Variants in MAPK6 observed in about 807,000 individuals in gnomAD.
MAPK6 encodes mitogen-activated protein kinase 6.
MAPK6 carries 19 observed loss-of-function variants against 59.3 expected under a neutral mutation model. That is an observed-to-expected ratio of 0.32 (90% CI 0.22 to 0.47). MAPK6 has a LOEUF of 0.47. Ranked by LOEUF, MAPK6 falls within the 20% of genes least tolerant of loss-of-function variation. MAPK6 has a pLI of 1.00. For synonymous variants in MAPK6, 316 were observed against 290.3 expected (o/e 1.09, Z -0.90); for missense variants, 724 against 847.9 (o/e 0.85, Z 1.81).
At chr15:51,973,918 A>G (rs1039388428) in intron 1 of MAPK6, among the ~76,000 whole-genome samples, 4 of 151,702 alleles carry the variant, frequency 2.6e-5, no homozygotes, top group Admixed American at 2.6e-4. Flanking sequence ...TCCCAAAGTG[A>G]TGGAATTACA....
rs979746265 is a variant in MAPK6 at position 51,981,348 on chromosome 15, C to T, written c.-879-1858C>T. 3.3e-5 allele frequency among the ~76,000 whole-genome samples: 5 copies of T among 151,988 alleles called. No homozygotes were observed. In the South Asian group the frequency reaches 1.0e-3, roughly 32 times the overall value. On this transcript the variant is annotated intron_variant, in intron 1 of 7. Transcript: ENST00000691380. Reference sequence around the variant, plus strand: ...ATTAGCCGCGTGTGGTGGCGGGCGCCTGTAGTCCCAGCTACTCCGGAGGCT... The same window carrying T: ...ATTAGCCGCGTGTGGTGGCGGGCGCTTGTAGTCCCAGCTACTCCGGAGGCT...
intron 1 of MAPK6, among the ~76,000 whole-genome samples, chr15:51,974,616 G>A (rs1381403697): frequency 7.9e-6 from 1 of 127,016 alleles, no homozygotes; most frequent in East Asian, 2.4e-4. Flanking sequence ...CTGAGATCAC[G>A]CCACTGCACC....
chr15:52,052,086 C>T (rs2031802488), intron 3 of MAPK6, among the ~76,000 whole-genome samples: 1 of 152,136 alleles, frequency 6.6e-6, no homozygotes, highest in Admixed American at 6.5e-5. Flanking sequence ...GTAGCTTAAA[C>T]AACAAACATT....
At chr15:52,029,555 A>G (rs1381314465) in intron 1 of MAPK6, among the ~76,000 whole-genome samples, 2 of 152,170 alleles carry the variant, frequency 1.3e-5, no homozygotes, top group South Asian at 4.1e-4. Context: ...CTTGCTAGAC[A>G]TTACCACTTA....
chr15:52,022,915 C>T (rs979543479), intron 1 of MAPK6, among the ~76,000 whole-genome samples: 1 of 151,928 alleles, frequency 6.6e-6, no homozygotes, highest in Non-Finnish European at 1.5e-5. Flanking sequence ...CGAGACCATC[C>T]TGGCCAACAT....
chr15:52,006,720 C>T (rs536510465), intron 3 of MAPK6, among the ~76,000 whole-genome samples: 1 of 152,242 alleles, frequency 6.6e-6, no homozygotes, highest in African/African-American at 2.4e-5. Flanking sequence ...GTTCTTCAAG[C>T]AGCAAATCTG....
At chr15:52,060,222 G>A (rs745820199) in intron 4 of MAPK6, among the ~76,000 whole-genome samples, 5 of 152,146 alleles carry the variant, frequency 3.3e-5, no homozygotes, top group African/African-American at 1.2e-4. Flanking sequence ...CTGGGCAACC[G>A]CAAAGATGCT....
chr15:52,055,452 A>G (rs2031940373), intron 3 of MAPK6, among the ~76,000 whole-genome samples: 1 of 152,236 alleles, frequency 6.6e-6, no homozygotes, highest in East Asian at 1.9e-4. Context: ...TCATTTGGTC[A>G]TGCTCCAAGT....
Position 52,024,936 on chromosome 15 carries a change from G to C in MAPK6, c.-632+5560G>C, listed in dbSNP as rs150065386. Among the ~76,000 whole-genome samples the C allele has an allele frequency of 2.7e-3, 342 of 127,346 alleles. 2 individuals carry two copies. The highest frequency in any genetic ancestry group is 9.9e-3 in the African/African-American group (327 of 33,010). 83.5% of individuals were successfully genotyped at this position (127,346 alleles called of 152,430 possible). On this transcript the variant is annotated intron_variant, in intron 1 of 5. Coordinates refer to ENST00000261845, the MANE Select transcript of MAPK6 (RefSeq NM_002748.4). Reference sequence around the variant, plus strand: ...GAGTCTCACTGTGTTGCCCATGCTCGTCTCAAACTCCTGGCCTCCTAACGT... The same window carrying C: ...GAGTCTCACTGTGTTGCCCATGCTCCTCTCAAACTCCTGGCCTCCTAACGT...
intron 1 of MAPK6, among the ~76,000 whole-genome samples, chr15:51,982,520 T>C (rs76682794): frequency 0.046 from 7,008 of 152,228 alleles, 472 homozygotes; most frequent in African/African-American, 0.15. Flanking sequence ...ACACATACAC[T>C]ATACACTTAC....
intron 2 of MAPK6, among the ~76,000 whole-genome samples, chr15:52,003,260 C>T (rs149885468): frequency 0.014 from 2,099 of 152,226 alleles, 62 homozygotes; most frequent in African/African-American, 0.049. Flanking sequence ...ATCACGAGAA[C>T]AGCATGGGGG....
At chr15:52,044,818 G>A (rs2031546692) in intron 1 of MAPK6, among the ~76,000 whole-genome samples, 2 of 150,570 alleles carry the variant, frequency 1.3e-5, no homozygotes, top group Non-Finnish European at 3.0e-5. Context: ...TGCCATGTTT[G>A]TTATTTTAAA....
chr15:52,047,678 A>G (rs1415034332), intron 2 of MAPK6, among the ~76,000 whole-genome samples: 1 of 149,678 alleles, frequency 6.7e-6, no homozygotes, highest in Non-Finnish European at 1.5e-5. Flanking sequence ...TTTAGTGACA[A>G]GATCTTGCTG....
At chr15:52,055,630 C>T (rs1033434478) in intron 3 of MAPK6, among the ~76,000 whole-genome samples, 10 of 152,162 alleles carry the variant, frequency 6.6e-5, no homozygotes, top group Non-Finnish European at 1.0e-4. Flanking sequence ...ATTCTCCTGC[C>T]TCAGCCTCCC....
Position 52,065,030 on chromosome 15 carries a change from C to G in MAPK6, c.*30C>G, listed in dbSNP as rs150964739. ...CTCAGCAGACATTTATCTTTGTATT[C>G]TTCATGAAATGTGTTTTGTCTTTTT... On this transcript the variant is annotated 3_prime_UTR_variant, in exon 6 of 6. Transcript: ENST00000261845. The G allele has an allele frequency of 6.5e-7, 1 of 1,535,418 alleles. No individual in the cohort carries two copies. The highest frequency in any genetic ancestry group is 2.3e-5 in the East Asian group (1 of 43,520).
intron 1 of MAPK6, among the ~76,000 whole-genome samples, chr15:52,034,232 G>A (rs1204217679): frequency 3.3e-5 from 5 of 151,966 alleles, no homozygotes; most frequent in Non-Finnish European, 5.9e-5. Flanking sequence ...TGATCCGCCC[G>A]CCTCAGCCTC....
intron 3 of MAPK6, among the ~76,000 whole-genome samples, chr15:52,054,784 A>G: frequency 6.6e-6 from 1 of 151,962 alleles, no homozygotes; most frequent in East Asian, 1.9e-4. Context: ...ATACATATAT[A>G]TATAATTTTT....
chr15:52,053,380 T>G (rs2141102988), intron 3 of MAPK6, among the ~76,000 whole-genome samples: 1 of 151,882 alleles, frequency 6.6e-6, no homozygotes, highest in East Asian at 1.9e-4. Context: ...CCGGCCTCAT[T>G]GTGGTTTTGA....
chr15:52,014,099 T>A lies in MAPK6; in HGVS notation c.-632+9697T>A, dbSNP rs565713237. Among the ~76,000 whole-genome samples, 5 of 151,866 alleles carry A rather than the reference T, an allele frequency of 3.3e-5. No individual in the cohort carries two copies. In the South Asian group the frequency reaches 1.0e-3, roughly 32 times the overall value. ...TTTTTTTTTTCCAGATACTACCCGA[T>A]GGAATCAAGCCCAGCTCAAATACTC... On this transcript the variant is annotated intron_variant, in intron 3 of 7. Transcript: ENST00000691380.
Sources: gnomAD v4.1 joint callset for allele counts (sites outside exome capture counted in the v4.1 genomes callset) on GRCh38, gnomAD v4.1.1 for gene constraint, MANE v1.5 for transcripts, NCBI Gene and HGNC (gene_info 2026-07-23, HGNC 2026-07-21) for gene names.